Variants in GMDS observed in about 807,000 individuals in gnomAD.
GMDS encodes the protein GDP-mannose 4,6-dehydratase.
GMDS carries 20 observed loss-of-function variants against 49.9 expected under a neutral mutation model. The observed-to-expected ratio is 0.40, with a 90% CI of 0.28 to 0.58. The LOEUF is 0.58. GMDS is among the 20% of genes least tolerant of loss of function. GMDS has a pLI of 0.42. For missense variants in GMDS, 362 were observed against 481.4 expected, an observed-to-expected ratio of 0.75 and a Z score of 2.32; for synonymous variants, 177 against 178.6, an observed-to-expected ratio of 0.99 and a Z score of 0.07.
At chr6:1,938,400 A>C (rs1480741506) in intron 6 of GMDS, among the ~76,000 whole-genome samples, 1 of 152,200 alleles carries the variant, frequency 6.6e-6, no homozygotes, top group Non-Finnish European at 1.5e-5. Flanking sequence ...ATGTGGAAAA[A>C]TTAACTAGCT....
intron 1 of GMDS, among the ~76,000 whole-genome samples, chr6:2,159,368 A>G (rs1777269001): frequency 6.6e-6 from 1 of 151,930 alleles, no homozygotes; most frequent in African/African-American, 2.4e-5. Context: ...TATAGGCATG[A>G]GCCACCACAT....
At chr6:1,727,862 C>T (rs1048661835) in intron 8 of GMDS, among the ~76,000 whole-genome samples, 3 of 152,132 alleles carry the variant, frequency 2.0e-5, no homozygotes, top group Admixed American at 6.5e-5. Flanking sequence ...AATTATATAG[C>T]GCAGTATGTT....
At chr6:1,726,582 G>T in intron 8 of GMDS, 70 bp from the exon 9 acceptor site, 1 of 1,106,624 alleles carries the variant, frequency 9.0e-7, no homozygotes, top group Non-Finnish European at 1.4e-6. Context: ...GTAGCACCTT[G>T]GGATGCCCCA....
chr6:1,684,904 G>A (rs1384665447), intron 9 of GMDS, among the ~76,000 whole-genome samples: 1 of 152,096 alleles, frequency 6.6e-6, no homozygotes, highest in Non-Finnish European at 1.5e-5. Flanking sequence ...CCTGTTAGTT[G>A]CCATTTAGAA....
intron 4 of GMDS, among the ~76,000 whole-genome samples, chr6:2,105,744 T>C (rs1362138686): frequency 6.6e-6 from 1 of 152,078 alleles, no homozygotes; most frequent in East Asian, 1.9e-4. Flanking sequence ...GGAATGGGAG[T>C]AGAAAAGAAA....
chr6:1,956,955 C>T (rs1026941771), intron 6 of GMDS, among the ~76,000 whole-genome samples: 13 of 151,952 alleles, frequency 8.6e-5, no homozygotes, highest in Admixed American at 3.3e-4. Context: ...GCACCCACCA[C>T]CACACTCAGC....
intron 6 of GMDS, among the ~76,000 whole-genome samples, chr6:1,932,827 C>T (rs539489217): frequency 1.1e-4 from 17 of 152,248 alleles, no homozygotes; most frequent in Admixed American, 1.3e-4. Flanking sequence ...CATGAGCCAC[C>T]GCGCCCGCTC....
chr6:1,891,553 C>T (rs1759868289), intron 7 of GMDS, among the ~76,000 whole-genome samples: 1 of 152,224 alleles, frequency 6.6e-6, no homozygotes, highest in Non-Finnish European at 1.5e-5. Context: ...GTATTAAGTA[C>T]TTGATCTCCT....
At chr6:2,146,684 C>T (rs951545007) in intron 1 of GMDS, among the ~76,000 whole-genome samples, 2 of 152,152 alleles carry the variant, frequency 1.3e-5, no homozygotes, top group African/African-American at 4.8e-5. Flanking sequence ...TAACAACACG[C>T]CCCTCTCAAA....
At chr6:1,861,519 G>C (rs1581267692) in intron 7 of GMDS, among the ~76,000 whole-genome samples, 1 of 151,912 alleles carries the variant, frequency 6.6e-6, no homozygotes, top group African/African-American at 2.4e-5. Flanking sequence ...CAGCCCACAG[G>C]GTTGGATTGC....
intron 6 of GMDS, among the ~76,000 whole-genome samples, chr6:1,947,487 G>T (rs997149469): frequency 5.3e-5 from 8 of 152,128 alleles, no homozygotes; most frequent in African/African-American, 1.9e-4. Context: ...ATACAATTGT[G>T]CTGAAAACCC....
rs1285013159 is a variant in GMDS at position 2,052,116 on chromosome 6, C to CAAAAA, written c.345+63650_345+63654dup. Among the ~76,000 whole-genome samples, 48 of 43,588 alleles carry CAAAAA rather than the reference C, an allele frequency of 1.1e-3. 1 individual carries two copies. The highest frequency in any genetic ancestry group is 6.0e-3 in the East Asian group (7 of 1,174). The allele number at this position is 43,588 out of a possible 152,430, so 28.6% of individuals were successfully genotyped here. A position where few individuals can be genotyped will look rare whatever the true frequency, so the allele number is the denominator to read the frequency against. ...TGGGTGACAGAGCAAGACTCTGTCT[C>CAAAAA]AAAAAAAAAAAAAAGAAAAAAAAAA... is the stretch of plus-strand genomic sequence containing the variant. On this transcript the variant is annotated intron_variant, in intron 4 of 10. Transcript: ENST00000380815.
chr6:2,025,532 C>A (rs1768544994), intron 4 of GMDS, among the ~76,000 whole-genome samples: 2 of 151,716 alleles, frequency 1.3e-5, no homozygotes, highest in Non-Finnish European at 2.9e-5. Context: ...TGGAAGATTT[C>A]TTTCTCCTTG....
At chr6:1,702,702 G>A (rs1474577807) in intron 9 of GMDS, among the ~76,000 whole-genome samples, 1 of 152,304 alleles carries the variant, frequency 6.6e-6, no homozygotes, top group South Asian at 2.1e-4. Flanking sequence ...GCTTCAGCAG[G>A]AAAGTTTCTG....
intron 7 of GMDS, among the ~76,000 whole-genome samples, chr6:1,770,558 A>G (rs1487273652): frequency 6.6e-6 from 1 of 152,234 alleles, no homozygotes; most frequent in African/African-American, 2.4e-5. Context: ...CCATGACCCC[A>G]CGGTGTGGGG....
chr6:1,687,826 A>G (rs1765032589), intron 9 of GMDS, among the ~76,000 whole-genome samples: 1 of 151,848 alleles, frequency 6.6e-6, no homozygotes, highest in African/African-American at 2.4e-5. Flanking sequence ...GTGTGGTTGG[A>G]GAGAGGGCAT....
chr6:1,706,215 C>T (rs192169743), intron 9 of GMDS, among the ~76,000 whole-genome samples: 93 of 152,204 alleles, frequency 6.1e-4, no homozygotes, highest in African/African-American at 1.8e-3. Context: ...CAGATGTGTG[C>T]GGTGTGCTGG....
At chr6:1,629,415 T>C (rs1452343378) in intron 9 of GMDS, among the ~76,000 whole-genome samples, 1 of 151,954 alleles carries the variant, frequency 6.6e-6, no homozygotes, top group Non-Finnish European at 1.5e-5. Context: ...CGGTCCTGTC[T>C]GCTCAGGAAG....
intron 4 of GMDS, among the ~76,000 whole-genome samples, chr6:2,055,997 AATT>A (rs1224396713): frequency 6.6e-5 from 10 of 152,142 alleles, no homozygotes; most frequent in African/African-American, 2.4e-4. Flanking sequence ...TAATACATCT[AATT>A]ATTAGCATGT....
Sources: gnomAD v4.1 joint callset for allele counts (sites outside exome capture counted in the v4.1 genomes callset) on GRCh38, gnomAD v4.1.1 for gene constraint, MANE v1.5 for transcripts, NCBI Gene and HGNC (gene_info 2026-07-23, HGNC 2026-07-21) for gene names.